Variants in PLAA observed in about 807,000 individuals in gnomAD.
The protein encoded by PLAA is phospholipase A2 activating protein.
In PLAA, 48 loss-of-function variants were observed where a neutral mutation model predicts 84.1. The observed-to-expected ratio is 0.57, with a 90% CI of 0.45 to 0.73. The LOEUF is 0.73. Ranked by LOEUF, PLAA falls within the 30% of genes least tolerant of loss-of-function variation. PLAA has a pLI of 0.00. For missense variants in PLAA, 903 were observed against 954.7 expected, an observed-to-expected ratio of 0.95 and a Z score of 0.71; for synonymous variants, 392 against 336.6, an observed-to-expected ratio of 1.16 and a Z score of -1.80.
At chr9:26,925,678 T>C (rs1338262902) in intron 6 of PLAA, 147 bp downstream of exon 6, 1 of 627,004 alleles carries the variant, frequency 1.6e-6, no homozygotes, top group Non-Finnish European at 2.8e-6. Flanking sequence ...AAAGCTATAA[T>C]ATCTACTACT....
chr9:26,947,047 GC>G lies in PLAA; in HGVS notation c.-3del, dbSNP rs763738718. 6.3e-7 allele frequency: 1 copy of G among 1,576,028 alleles called. No individual in the cohort carries two copies. Among genetic ancestry groups the G allele is most frequent in the South Asian group, 1.2e-5 (1 of 85,506 alleles). On this transcript the variant is annotated 5_prime_UTR_variant, in exon 1 of 14. Coordinates refer to ENST00000397292, the MANE Select transcript of PLAA (RefSeq NM_001031689.3). Reference sequence around the variant, plus strand: ...GTACCTGGTTGCGCCGCTCGTCATGGCCAGTGTCTGTCTGGCGCCCGGTGCC... The same window carrying G: ...GTACCTGGTTGCGCCGCTCGTCATGGCAGTGTCTGTCTGGCGCCCGGTGCC...
intron 2 of PLAA, 141 bp downstream of exon 2, chr9:26,934,872 G>T: frequency 1.6e-6 from 1 of 618,260 alleles, no homozygotes; most frequent in Non-Finnish European, 2.7e-6. Context: ...AACTAAGATA[G>T]CCCAAAAGCG....
chr9:26,913,952 A>G lies in PLAA; in HGVS notation c.1487-5T>C. On this transcript the variant is annotated splice_region_variant and splice_polypyrimidine_tract_variant and intron_variant, in intron 10 of 13. Transcript: ENST00000397292. ...CTGGTACATAACGACCAGCACCTAC[A>G]ATACAATAATACTCCTAGTAAGCAA... The G allele has an allele frequency of 6.3e-7, 1 of 1,595,152 alleles. No homozygotes were observed. The highest frequency in any genetic ancestry group is 8.6e-7 in the Non-Finnish European group (1 of 1,163,644).
chr9:26,918,288 ATTTTT>A (rs1185916022), intron 9 of PLAA, among the ~76,000 whole-genome samples: 15 of 95,728 alleles, frequency 1.6e-4, no homozygotes, highest in Non-Finnish European at 3.1e-4. Flanking sequence ...AATTTTTTGT[ATTTTT>A]TTTTTTTTTT....
At chr9:26,919,631 A>G in intron 8 of PLAA, 102 bp from the exon 9 acceptor site, 3 of 694,948 alleles carry the variant, frequency 4.3e-6, no homozygotes, top group East Asian at 5.0e-5. Context: ...TAATTACAGT[A>G]CTTAAACTTT....
chr9:26,942,677 T>G (rs934932191), intron 1 of PLAA, among the ~76,000 whole-genome samples: 2 of 151,954 alleles, frequency 1.3e-5, no homozygotes, highest in Non-Finnish European at 2.9e-5. Flanking sequence ...GGTCAGGAGA[T>G]CCAGACCATC....
At chr9:26,940,493 G>T (rs1449207194) in intron 1 of PLAA, among the ~76,000 whole-genome samples, 1 of 152,186 alleles carries the variant, frequency 6.6e-6, no homozygotes, top group Non-Finnish European at 1.5e-5. Context: ...CCAGGGTCTG[G>T]GGGTGGAGAC....
In PLAA at chr9:26,915,686, C is replaced by T. The variant is rs1451372679; in HGVS notation, c.1486+1411G>A. ...ATTCAATTATCCTGATACCCTAATTCTCTTGGACATTGTGTATGCTATCTT... is the reference window on the plus strand; with the variant it reads ...ATTCAATTATCCTGATACCCTAATTTTCTTGGACATTGTGTATGCTATCTT... On this transcript the variant is annotated intron_variant, in intron 10 of 13. Transcript: ENST00000397292. The T allele has an allele frequency of 7.1e-6, 7 of 983,488 alleles. No homozygotes were observed. In the South Asian group the frequency reaches 1.9e-4, roughly 26 times the overall value. 60.9% of individuals were successfully genotyped at this position (983,488 alleles called of 1,614,324 possible). A position where few individuals can be genotyped will look rare whatever the true frequency, so the allele number is the denominator to read the frequency against.
intron 4 of PLAA, among the ~76,000 whole-genome samples, chr9:26,927,055 T>C (rs984284341): frequency 6.6e-6 from 1 of 152,016 alleles, no homozygotes; most frequent in South Asian, 2.1e-4. Flanking sequence ...ATATAGACTA[T>C]ATACTGAAGC....
In PLAA at chr9:26,904,701, T is replaced by G. The variant is rs16910873; in HGVS notation, c.*810A>C. 11,230 of 152,262 alleles carry G rather than the reference T, an allele frequency of 0.074. 465 individuals carry two copies. The highest frequency in any genetic ancestry group is 0.16 in the Middle Eastern group (46 of 294). 9.4% of individuals were successfully genotyped at this position (152,262 alleles called of 1,614,324 possible). ...TAGACTTTCAAATAATACAGTTTGA[T>G]GTACTCTTGCTTATGTAACCACCTG... On this transcript the variant is annotated 3_prime_UTR_variant, in exon 14 of 14. Coordinates refer to ENST00000397292, the MANE Select transcript of PLAA (RefSeq NM_001031689.3).
At chr9:26,940,715 G>C (rs1825504740) in intron 1 of PLAA, among the ~76,000 whole-genome samples, 2 of 152,184 alleles carry the variant, frequency 1.3e-5, no homozygotes, top group African/African-American at 4.8e-5. Context: ...TATACCTCCA[G>C]AGGTGAGGAC....
chr9:26,947,218 G>T lies in PLAA; in HGVS notation c.-173C>A. ...GGGCGGCTGGGAAGGGGCGCGCCGA[G>T]CGGGCCGAGTGACACAGCAAGCCTG... On this transcript the variant is annotated 5_prime_UTR_variant, in exon 1 of 14. Coordinates refer to ENST00000397292, the MANE Select transcript of PLAA (RefSeq NM_001031689.3). The T allele has an allele frequency of 1.4e-6, 1 of 700,804 alleles. No individual in the cohort carries two copies. The highest frequency in any genetic ancestry group is 2.1e-5 in the South Asian group (1 of 48,208). 43.4% of individuals were successfully genotyped at this position (700,804 alleles called of 1,614,324 possible).
At chr9:26,931,774 G>A (rs919727016) in intron 2 of PLAA, among the ~76,000 whole-genome samples, 1 of 152,214 alleles carries the variant, frequency 6.6e-6, no homozygotes, top group Non-Finnish European at 1.5e-5. Flanking sequence ...GGGCACGGTG[G>A]CTCATGCCTG....
chr9:26,944,968 A>G (rs943114025), intron 1 of PLAA, among the ~76,000 whole-genome samples: 1 of 152,172 alleles, frequency 6.6e-6, no homozygotes, highest in Non-Finnish European at 1.5e-5. Flanking sequence ...TCTCTACTAA[A>G]AATACAAAAT....
intron 1 of PLAA, 120 bp from the exon 2 acceptor site, chr9:26,935,326 T>A: frequency 1.9e-6 from 1 of 519,710 alleles, no homozygotes; most frequent in Non-Finnish European, 3.3e-6. Context: ...TATACTATCT[T>A]AAGAATCTAT....
chr9:26,933,245 T>G (rs1429581126), intron 2 of PLAA, among the ~76,000 whole-genome samples: 3 of 147,170 alleles, frequency 2.0e-5, no homozygotes, highest in African/African-American at 7.6e-5. Flanking sequence ...TCCAGCCTGG[T>G]GAAAGAGCAA....
chr9:26,930,109 T>TTATTA (rs1563915945), intron 2 of PLAA, among the ~76,000 whole-genome samples: 1 of 137,122 alleles, frequency 7.3e-6, no homozygotes, highest in African/African-American at 2.7e-5. Flanking sequence ...TATTATTATT[T>TTATTA]TTTTTTTTTT....
chr9:26,929,709 G>A (rs980244307), intron 2 of PLAA, among the ~76,000 whole-genome samples: 1 of 152,148 alleles, frequency 6.6e-6, no homozygotes, highest in African/African-American at 2.4e-5. Flanking sequence ...TTCTGAATGA[G>A]TGTTTGCTCT....
At chr9:26,908,300 G>A (rs912739702) in intron 12 of PLAA, among the ~76,000 whole-genome samples, 8 of 151,164 alleles carry the variant, frequency 5.3e-5, no homozygotes, top group African/African-American at 1.9e-4. Context: ...CTGAGTAGCT[G>A]GGACTATAGG....
Sources: allele counts gnomAD v4.1 joint callset (sites outside exome capture counted in the v4.1 genomes callset), GRCh38; gene constraint gnomAD v4.1.1; transcripts MANE v1.5; gene names NCBI Gene and HGNC (gene_info 2026-07-23, HGNC 2026-07-21).